OXR1: variants seen among roughly 807,000 people sequenced by gnomAD.
The protein encoded by OXR1 is oxidation resistance protein 1.
OXR1 carries 41 observed loss-of-function variants against 104.6 expected under a neutral mutation model. The ratio of observed to expected loss-of-function variants is 0.39; its 90% CI spans 0.31 to 0.51. OXR1 has a LOEUF of 0.51. Ranked by LOEUF, OXR1 falls within the 20% of genes least tolerant of loss-of-function variation. OXR1 has a pLI of 0.77. For synonymous variants in OXR1, 348 were observed against 348.4 expected, an observed-to-expected ratio of 1.00 and a Z score of 0.01; for missense variants, 955 against 1,031.9, an observed-to-expected ratio of 0.93 and a Z score of 1.02.
At chr8:106,434,042 C>A (rs993590842) in intron 2 of OXR1, among the ~76,000 whole-genome samples, 5 of 152,058 alleles carry the variant, frequency 3.3e-5, no homozygotes, top group African/African-American at 1.2e-4. Context: ...GGAGGGGAAA[C>A]ATAATATCAC....
rs1027911791 is a variant in OXR1 at position 106,751,041 on chromosome 8, G to A, written c.*100G>A. 3.5e-5 allele frequency: 30 copies of A among 849,084 alleles called. No individual in the cohort carries two copies. The highest frequency in any genetic ancestry group is 5.2e-5 in the Non-Finnish European group (29 of 553,068). The allele number at this position is 849,084 out of a possible 1,614,324, so 52.6% of individuals were successfully genotyped here. Reference sequence around the variant, plus strand: ...AGCAATACAGTGTAACATGTCACTTGTGCTTTAAAATTAGTCTGTATCACC... The same window carrying A: ...AGCAATACAGTGTAACATGTCACTTATGCTTTAAAATTAGTCTGTATCACC... On this transcript the variant is annotated 3_prime_UTR_variant, in exon 17 of 17. Transcript: ENST00000517566.
chr8:106,707,226 G>A (rs1345651153), intron 9 of OXR1, 81 bp downstream of exon 9: 2 of 1,239,328 alleles, frequency 1.6e-6, no homozygotes, highest in Non-Finnish European at 2.3e-6. Context: ...AAAAGCCGCT[G>A]TACCTTAGGG....
intron 11 of OXR1, chr8:106,725,977 A>T (rs1318591518): frequency 2.8e-6 from 1 of 359,622 alleles, no homozygotes. Context: ...CTTTCTTTGC[A>T]CATTTGGGTA....
intron 2 of OXR1, among the ~76,000 whole-genome samples, chr8:106,436,167 G>T (rs1205353083): frequency 1.3e-5 from 2 of 151,964 alleles, no homozygotes; most frequent in Non-Finnish European, 1.5e-5. Context: ...AAAAGCCATA[G>T]CTACCATTTC....
chr8:106,361,661 T>G (rs1816250874), intron 2 of OXR1, among the ~76,000 whole-genome samples: 1 of 152,226 alleles, frequency 6.6e-6, no homozygotes, highest in African/African-American at 2.4e-5. Flanking sequence ...CTTCTAATTT[T>G]TATTTTGGGG....
intron 3 of OXR1, among the ~76,000 whole-genome samples, chr8:106,528,105 C>A (rs1418309936): frequency 6.6e-6 from 1 of 152,054 alleles, no homozygotes; most frequent in Non-Finnish European, 1.5e-5. Flanking sequence ...TGTCCCCTCC[C>A]TCTTTCCTTT....
chr8:106,518,530 G>C (rs1360870541), intron 2 of OXR1, among the ~76,000 whole-genome samples: 1 of 152,058 alleles, frequency 6.6e-6, no homozygotes, highest in Non-Finnish European at 1.5e-5. Context: ...GAAAAACACT[G>C]GCAGCCTCTG....
intron 7 of OXR1, among the ~76,000 whole-genome samples, chr8:106,698,651 G>T (rs1386236490): frequency 6.6e-6 from 1 of 151,568 alleles, no homozygotes; most frequent in Non-Finnish European, 1.5e-5. Context: ...TTTCTGCCAT[G>T]GCTAATCTAC....
In OXR1 at chr8:106,683,210, G is replaced by A. The variant is rs376229603; in HGVS notation, c.315G>A (p.Arg105=). ...TTTCTTTTAAACAGGTTGAATCAAGGGATTCTTTGAATAGCATAGCCCTGA... is the reference window on the plus strand; with the variant it reads ...TTTCTTTTAAACAGGTTGAATCAAGAGATTCTTTGAATAGCATAGCCCTGA... The part of the protein sequence containing the change: ...KGTIEYTVES[R]DSLNSIALKF... The change falls in exon 5 of 17, where the codon AGG becomes AGA. Residue 105 remains arginine (R), a synonymous_variant. Coordinates refer to ENST00000517566, the MANE Select transcript of OXR1 (RefSeq NM_001198533.2). 2.0e-4 allele frequency: 302 copies of A among 1,547,038 alleles called. No individual in the cohort carries two copies. The highest frequency in any genetic ancestry group is 1.4e-3 in the Middle Eastern group (8 of 5,906).
At chr8:106,616,893 A>G (rs1234165842) in intron 3 of OXR1, among the ~76,000 whole-genome samples, 1 of 152,134 alleles carries the variant, frequency 6.6e-6, no homozygotes, top group Non-Finnish European at 1.5e-5. Flanking sequence ...CTGACTTGAC[A>G]TTGTCTGTTC....
At chr8:106,524,529 T>C in intron 3 of OXR1, among the ~76,000 whole-genome samples, 1 of 152,170 alleles carries the variant, frequency 6.6e-6, no homozygotes, top group Admixed American at 6.5e-5. Context: ...CTTGAATGAA[T>C]ATCCACACGA....
At chr8:106,313,374 A>G (rs1287512734) in intron 1 of OXR1, among the ~76,000 whole-genome samples, 2 of 152,122 alleles carry the variant, frequency 1.3e-5, no homozygotes, top group African/African-American at 4.8e-5. Context: ...CTAGAAACCA[A>G]TATAATTAGG....
intron 3 of OXR1, among the ~76,000 whole-genome samples, chr8:106,633,137 G>A (rs1822835292): frequency 6.6e-6 from 1 of 150,548 alleles, no homozygotes; most frequent in African/African-American, 2.5e-5. Context: ...GGAGGCTGAG[G>A]CAGAGAATTG....
intron 2 of OXR1, among the ~76,000 whole-genome samples, chr8:106,501,353 A>T (rs2129950374): frequency 6.6e-6 from 1 of 152,284 alleles, no homozygotes; most frequent in East Asian, 1.9e-4. Context: ...AGGGAGGAGG[A>T]GCATAGAGAT....
intron 16 of OXR1, 57 bp from the exon 17 acceptor site, chr8:106,750,749 A>C: frequency 1.6e-6 from 2 of 1,255,536 alleles, no homozygotes; most frequent in Admixed American, 2.3e-5. Context: ...AGTCTCATTT[A>C]AATTGTTTTA....
intron 2 of OXR1, among the ~76,000 whole-genome samples, chr8:106,375,638 C>G (rs936485497): frequency 5.9e-5 from 9 of 152,214 alleles, no homozygotes; most frequent in African/African-American, 2.2e-4. Flanking sequence ...TTACACAATT[C>G]TGGTCCCAGG....
At chr8:106,424,769 A>G (rs1298214549) in intron 2 of OXR1, among the ~76,000 whole-genome samples, 2 of 151,962 alleles carry the variant, frequency 1.3e-5, no homozygotes, top group South Asian at 2.1e-4. Context: ...CTTGGACTCT[A>G]TTTTTGATTA....
intron 1 of OXR1, among the ~76,000 whole-genome samples, chr8:106,346,982 G>A (rs12543925): frequency 0.36 from 55,101 of 152,108 alleles, 10,375 homozygotes; most frequent in East Asian, 0.49. Context: ...GGTGGAGCTT[G>A]CAGTGAGCCG....
chr8:106,511,536 TAC>T (rs1812526940), intron 2 of OXR1, among the ~76,000 whole-genome samples: 1 of 119,728 alleles, frequency 8.4e-6, no homozygotes, highest in African/African-American at 2.7e-5. Flanking sequence ...CACACACACA[TAC>T]ACACACACTC....
Sources: allele counts gnomAD v4.1 joint callset (sites outside exome capture counted in the v4.1 genomes callset), GRCh38; gene constraint gnomAD v4.1.1; transcripts MANE v1.5; gene names NCBI Gene and HGNC (gene_info 2026-07-23, HGNC 2026-07-21).